AGBL4: variants seen among roughly 807,000 people sequenced by gnomAD.
AGBL4 encodes cytosolic carboxypeptidase 6.
Under a neutral mutation model 66.4 loss-of-function variants are expected in AGBL4, and 58 were observed. The ratio of observed to expected loss-of-function variants is 0.87; its 90% CI spans 0.71 to 1.09. AGBL4 has a LOEUF of 1.09. AGBL4 is among the 50% of genes least tolerant of loss of function. The probability of loss-of-function intolerance (pLI) is 0.00; values close to 1 mark genes in which losing one functional copy is unlikely to be tolerated. For synonymous variants in AGBL4, 234 were observed against 222.9 expected (o/e 1.05, Z -0.44); for missense variants, 579 against 631.0 (o/e 0.92, Z 0.88).
chr1:49,335,742 C>T (rs1276247012), intron 3 of AGBL4, among the ~76,000 whole-genome samples: 1 of 152,118 alleles, frequency 6.6e-6, no homozygotes, highest in Non-Finnish European at 1.5e-5. Flanking sequence ...GTCTCAATCT[C>T]CTGACCTTGT....
rs143773144 is a variant in AGBL4 at position 48,957,140 on chromosome 1, T to C, written c.594+88444A>G. Among the ~76,000 whole-genome samples, 161 of 152,306 alleles carry C rather than the reference T, an allele frequency of 1.1e-3. 1 individual carries two copies. The highest frequency in any genetic ancestry group is 3.6e-3 in the African/African-American group (148 of 41,566). On this transcript the variant is annotated intron_variant, in intron 5 of 13. Transcript: ENST00000371839. The stretch of plus-strand genomic sequence containing the variant: ...CTGCCCTGAAAATTTGTGTTTATCA[T>C]CATTCCCATACATTTTTTGCTATTA...
intron 3 of AGBL4, among the ~76,000 whole-genome samples, chr1:49,309,707 A>G (rs1644911356): frequency 6.6e-6 from 1 of 152,014 alleles, no homozygotes; most frequent in Non-Finnish European, 1.5e-5. Context: ...AAAATTACAT[A>G]GTCACTGATT....
At chr1:49,060,790 T>C (rs371160805) in intron 4 of AGBL4, among the ~76,000 whole-genome samples, 5 of 152,236 alleles carry the variant, frequency 3.3e-5, no homozygotes, top group African/African-American at 1.2e-4. Flanking sequence ...CTGTCCTCCC[T>C]CCACTCCCAA....
intron 4 of AGBL4, among the ~76,000 whole-genome samples, chr1:49,229,308 G>C (rs989429042): frequency 3.3e-5 from 5 of 152,168 alleles, no homozygotes; most frequent in Non-Finnish European, 5.9e-5. Flanking sequence ...TCTAACAAAA[G>C]TATTTGCCTT....
chr1:49,900,735 T>A (rs1446322740), intron 1 of AGBL4, among the ~76,000 whole-genome samples: 1 of 152,172 alleles, frequency 6.6e-6, no homozygotes, highest in Non-Finnish European at 1.5e-5. Flanking sequence ...GTGCTTATGG[T>A]CTCCTGGGAC....
chr1:48,911,637 AAAT>A (rs1164967104), intron 5 of AGBL4, among the ~76,000 whole-genome samples: 6 of 152,030 alleles, frequency 3.9e-5, no homozygotes, highest in African/African-American at 1.4e-4. Context: ...AAAAAAAAAA[AAAT>A]CATAAGGACC....
At chr1:48,663,390 CAT>C (rs1646138420) in intron 6 of AGBL4, 149 bp from the exon 7 acceptor site, 1 of 679,476 alleles carries the variant, frequency 1.5e-6, no homozygotes, top group South Asian at 1.8e-5. Flanking sequence ...AAGGTCCAGC[CAT>C]TGCTGACTAA....
chr1:48,841,159 G>C (rs1218813798), intron 6 of AGBL4, among the ~76,000 whole-genome samples: 1 of 152,152 alleles, frequency 6.6e-6, no homozygotes, highest in Non-Finnish European at 1.5e-5. Context: ...CTTCTAGGGT[G>C]ATGGCACTGT....
At chr1:49,130,684 G>T (rs1046294560) in intron 4 of AGBL4, among the ~76,000 whole-genome samples, 3 of 151,898 alleles carry the variant, frequency 2.0e-5, no homozygotes, top group Non-Finnish European at 2.9e-5. Context: ...TCTCTGTTTT[G>T]GTACCAGTAC....
intron 5 of AGBL4, among the ~76,000 whole-genome samples, chr1:48,921,331 C>T (rs1048469113): frequency 6.6e-6 from 1 of 152,194 alleles, no homozygotes; most frequent in Admixed American, 6.5e-5. Flanking sequence ...GTGCTGGACA[C>T]TGGAGATGCA....
intron 5 of AGBL4, among the ~76,000 whole-genome samples, chr1:48,970,502 C>T (rs1273252034): frequency 1.3e-5 from 2 of 152,278 alleles, no homozygotes. Flanking sequence ...GGTTCCCTAA[C>T]TCCATTTTCA....
At chr1:49,990,607 T>C (rs1659868434) in intron 1 of AGBL4, among the ~76,000 whole-genome samples, 1 of 152,196 alleles carries the variant, frequency 6.6e-6, no homozygotes, top group African/African-American at 2.4e-5. Context: ...CAACATTTTA[T>C]TTTCTTTTAG....
intron 1 of AGBL4, among the ~76,000 whole-genome samples, chr1:49,983,255 C>A (rs1659218964): frequency 6.6e-6 from 1 of 152,248 alleles, no homozygotes; most frequent in African/African-American, 2.4e-5. Flanking sequence ...AACTGTGACA[C>A]CCTCTTTGGG....
At chr1:49,216,539 T>C (rs1570101045) in intron 4 of AGBL4, among the ~76,000 whole-genome samples, 1 of 152,160 alleles carries the variant, frequency 6.6e-6, no homozygotes, top group Non-Finnish European at 1.5e-5. Context: ...TTAATTTGCT[T>C]GGGATAATGG....
In AGBL4 at chr1:49,398,333, T is replaced by C. The variant is rs202213213; in HGVS notation, c.283-152469A>G. Among the ~76,000 whole-genome samples the C allele has an allele frequency of 5.4e-3, 778 of 143,708 alleles. 5 individuals carry two copies. Among genetic ancestry groups the C allele is most frequent in the Non-Finnish European group, 9.0e-3 (592 of 65,956 alleles). The allele number at this position is 143,708 out of a possible 152,430, so 94.3% of individuals were successfully genotyped here. On this transcript the variant is annotated intron_variant, in intron 3 of 13. Coordinates refer to ENST00000371839, the MANE Select transcript of AGBL4 (RefSeq NM_032785.4). ...TCAGTCTCTCTCTCCCTCTCTCTCTTTCTCTCTCTCTCTCTCTCTCTCTCT... is the reference window on the plus strand; with the variant it reads ...TCAGTCTCTCTCTCCCTCTCTCTCTCTCTCTCTCTCTCTCTCTCTCTCTCT...
intron 3 of AGBL4, among the ~76,000 whole-genome samples, chr1:49,536,354 A>T (rs578190968): frequency 6.6e-6 from 1 of 152,264 alleles, no homozygotes; most frequent in South Asian, 2.1e-4. Flanking sequence ...AGAAATTTTT[A>T]TCTGTGTGTG....
chr1:49,323,715 G>A (rs1454151978), intron 3 of AGBL4, among the ~76,000 whole-genome samples: 1 of 150,688 alleles, frequency 6.6e-6, no homozygotes, highest in African/African-American at 2.4e-5. Context: ...CTTGCAGTGA[G>A]CCAAGATTGC....
chr1:49,572,490 T>C (rs1644350886), intron 3 of AGBL4, among the ~76,000 whole-genome samples: 3 of 152,210 alleles, frequency 2.0e-5, no homozygotes, highest in Admixed American at 2.0e-4. Context: ...AATTTGTTTA[T>C]CTTTTCAAAC....
intron 5 of AGBL4, among the ~76,000 whole-genome samples, chr1:48,922,024 A>G (rs1654125343): frequency 6.6e-6 from 1 of 152,168 alleles, no homozygotes; most frequent in Admixed American, 6.5e-5. Context: ...ACTCAGTACT[A>G]TTATTATCAT....
Sources: gnomAD v4.1 joint callset for allele counts (sites outside exome capture counted in the v4.1 genomes callset) on GRCh38, gnomAD v4.1.1 for gene constraint, MANE v1.5 for transcripts, NCBI Gene and HGNC (gene_info 2026-07-23, HGNC 2026-07-21) for gene names.